The following PREX2 variants were observed in gnomAD, a reference collection of about 807,000 sequenced individuals.
PREX2 encodes phosphatidylinositol 3,4,5-trisphosphate-dependent Rac exchanger 2 protein.
Under a neutral mutation model 203.2 loss-of-function variants are expected in PREX2, and 107 were observed. The ratio of observed to expected loss-of-function variants is 0.53; its 90% CI spans 0.45 to 0.62. PREX2 has a LOEUF of 0.62. PREX2 is among the 20% of genes least tolerant of loss of function. PREX2 has a pLI of 0.00. For missense variants in PREX2, 1,777 were observed against 1,955.9 expected, an observed-to-expected ratio of 0.91 and a Z score of 1.72; for synonymous variants, 672 against 663.6, an observed-to-expected ratio of 1.01 and a Z score of -0.19.
rs575839070 is a variant in PREX2 at position 68,107,955 on chromosome 8, A to G, written c.2716-154A>G. On this transcript the variant is annotated intron_variant, in intron 23 of 39. Coordinates refer to ENST00000288368, the MANE Select transcript of PREX2 (RefSeq NM_024870.4). ...AGAATGCTTCAGTTTTGAAATCACA[A>G]TGGAATTTCTAACAACATATAATTT... 4.2e-5 allele frequency: 25 copies of G among 595,958 alleles called. 1 individual carries two copies. The highest frequency in any genetic ancestry group is 3.2e-4 in the South Asian group (14 of 43,188). 36.9% of individuals were successfully genotyped at this position (595,958 alleles called of 1,614,324 possible).
intron 6 of PREX2, among the ~76,000 whole-genome samples, chr8:68,034,183 G>A (rs1807966486): frequency 6.6e-6 from 1 of 152,058 alleles, no homozygotes; most frequent in African/African-American, 2.4e-5. Context: ...TTGAAGTTAT[G>A]CCTTTTATTA....
At chr8:68,070,140 A>G (rs745689763) in intron 13 of PREX2, among the ~76,000 whole-genome samples, 2 of 151,866 alleles carry the variant, frequency 1.3e-5, no homozygotes, top group African/African-American at 2.4e-5. Context: ...TACACTTGAA[A>G]TAATCCACTT....
At chr8:67,984,726 A>G (rs1326818326) in intron 1 of PREX2, among the ~76,000 whole-genome samples, 1 of 152,178 alleles carries the variant, frequency 6.6e-6, no homozygotes, top group African/African-American at 2.4e-5. Context: ...ACACTTCATG[A>G]TGGGAAGTAC....
intron 11 of PREX2, among the ~76,000 whole-genome samples, chr8:68,061,190 AC>A (rs1808840053): frequency 6.6e-6 from 1 of 152,160 alleles, no homozygotes; most frequent in Non-Finnish European, 1.5e-5. Context: ...GCACTCCGGC[AC>A]GGTGGCGGGT....
At chr8:68,169,250 G>A (rs1811823638) in intron 35 of PREX2, among the ~76,000 whole-genome samples, 1 of 152,116 alleles carries the variant, frequency 6.6e-6, no homozygotes, top group African/African-American at 2.4e-5. Context: ...GAAGGACCTG[G>A]GGAGGCAATC....
intron 37 of PREX2, among the ~76,000 whole-genome samples, chr8:68,200,901 A>G (rs1052820378): frequency 1.3e-5 from 2 of 152,230 alleles, no homozygotes; most frequent in African/African-American, 4.8e-5. Context: ...ATATGAATAC[A>G]TAAATATTAG....
intron 13 of PREX2, among the ~76,000 whole-genome samples, chr8:68,072,086 A>G (rs1809213459): frequency 6.6e-6 from 1 of 152,198 alleles, no homozygotes; most frequent in African/African-American, 2.4e-5. Flanking sequence ...GCCATAGGCT[A>G]ATTGACATAA....
At chr8:68,051,930 G>A (rs1435152192) in intron 8 of PREX2, among the ~76,000 whole-genome samples, 2 of 152,076 alleles carry the variant, frequency 1.3e-5, no homozygotes, top group African/African-American at 2.4e-5. Context: ...CAACTGAACA[G>A]CATCATTTGA....
intron 39 of PREX2, among the ~76,000 whole-genome samples, chr8:68,225,330 TCCC>T (rs1813037586): frequency 6.6e-6 from 1 of 152,158 alleles, no homozygotes; most frequent in Non-Finnish European, 1.5e-5. Flanking sequence ...AAGAAAGGAC[TCCC>T]ATTGACTTTA....
chr8:68,118,776 A>G (rs1037998983), intron 27 of PREX2, 132 bp downstream of exon 27: 3 of 778,548 alleles, frequency 3.9e-6, no homozygotes, highest in Admixed American at 1.7e-5. Context: ...GTGGCCACAC[A>G]TACTGCATTT....
chr8:68,204,228 A>AC (rs1269508293), intron 37 of PREX2, among the ~76,000 whole-genome samples: 55 of 152,184 alleles, frequency 3.6e-4, no homozygotes, highest in Non-Finnish European at 7.2e-4. Flanking sequence ...TCATTACCCA[A>AC]CCCCAGAAGG....
At chr8:68,133,974 G>A in intron 31 of PREX2, 85 bp from the exon 32 acceptor site, 2 of 1,023,634 alleles carry the variant, frequency 2.0e-6, no homozygotes, top group Non-Finnish European at 3.0e-6. Context: ...AAGATGAAAT[G>A]CTAGTGAATG....
chr8:68,090,677 C>T lies in PREX2; in HGVS notation c.2212C>T (p.His738Tyr). Residue 738 changes from histidine to tyrosine, a missense_variant, in exon 20 of 40, where the codon CAC (histidine) becomes TAC (tyrosine). Transcript: ENST00000288368. ...AGAGACACATGCCAGTGTCATTGCA[C>T]ACGTTACAGCCTGCAGGAAGTACAG... Reference protein sequence around the residue: ...SKETHASVIAHVTACRKYRRP... With the variant: ...SKETHASVIAYVTACRKYRRP... 1 of 1,613,960 alleles carries T rather than the reference C, an allele frequency of 6.2e-7. No homozygotes were observed. Among genetic ancestry groups the T allele is most frequent in the Non-Finnish European group, 8.5e-7 (1 of 1,179,896 alleles).
At chr8:68,079,461 A>G (rs6994956) in intron 15 of PREX2, among the ~76,000 whole-genome samples, 81,102 of 151,968 alleles carry the variant, frequency 0.53, 21,661 homozygotes, top group South Asian at 0.56. Context: ...CCCACTTTAC[A>G]GATGAGGAAA....
At chr8:68,151,713 T>G (rs975570781) in intron 34 of PREX2, among the ~76,000 whole-genome samples, 1 of 151,804 alleles carries the variant, frequency 6.6e-6, no homozygotes, top group Admixed American at 6.6e-5. Flanking sequence ...TTAAACCAAA[T>G]AGGATATGTG....
chr8:68,037,372 A>G (rs1467946859), intron 6 of PREX2, among the ~76,000 whole-genome samples: 1 of 152,118 alleles, frequency 6.6e-6, no homozygotes, highest in Admixed American at 6.6e-5. Context: ...AAAAACAAAT[A>G]GACTATAATA....
In PREX2 at chr8:68,119,449, A is replaced by C; in HGVS notation, c.3439A>C (p.Ser1147Arg). 4.3e-6 allele frequency: 7 copies of C among 1,613,590 alleles called. No individual in the cohort carries two copies. The highest frequency in any genetic ancestry group is 5.9e-6 in the Non-Finnish European group (7 of 1,179,644). Reference protein sequence around the residue: ...EMDSGDELPLSVRISHDKQDK... With the variant: ...EMDSGDELPLRVRISHDKQDK... Reference sequence around the variant, plus strand: ...ACATCTAGGTGATGAACTTCCCTTAAGTGTTCGCATATCTCATGATAAACA... The same window carrying C: ...ACATCTAGGTGATGAACTTCCCTTACGTGTTCGCATATCTCATGATAAACA... Residue 1147 changes from serine (S) to arginine (R), a missense_variant, in exon 28 of 40, where the codon AGT becomes CGT. By Grantham distance (110) the Ser-to-Arg change is moderately radical. Transcript: ENST00000288368.
intron 22 of PREX2, among the ~76,000 whole-genome samples, chr8:68,098,938 GTATA>G (rs71253061): frequency 0.078 from 8,478 of 109,238 alleles, 334 homozygotes; most frequent in South Asian, 0.15. Flanking sequence ...ATATATATGT[GTATA>G]TATATATATA....
chr8:67,961,113 A>T lies in PREX2; in HGVS notation c.141+8578A>T, dbSNP rs11989312. Among the ~76,000 whole-genome samples, 1,311 of 152,002 alleles carry T rather than the reference A, an allele frequency of 8.6e-3. 14 individuals are homozygous for T. The highest frequency in any genetic ancestry group is 0.03 in the African/African-American group (1,229 of 41,460). On this transcript the variant is annotated intron_variant, in intron 1 of 39. Coordinates refer to ENST00000288368, the MANE Select transcript of PREX2 (RefSeq NM_024870.4). ...ATGATTTATCTGACATTTTAGTGTG[A>T]TTATAGTTTCCTCAGCACTTGTTTT...
Sources: allele counts gnomAD v4.1 joint callset (sites outside exome capture counted in the v4.1 genomes callset), GRCh38; gene constraint gnomAD v4.1.1; transcripts MANE v1.5; gene names NCBI Gene and HGNC (gene_info 2026-07-23, HGNC 2026-07-21).